The following SYT16 variants were observed in gnomAD, a reference collection of about 807,000 sequenced individuals.
SYT16 encodes synaptotagmin-16.
SYT16 carries 42 observed loss-of-function variants against 61.4 expected under a neutral mutation model. The observed-to-expected ratio is 0.68, with a 90% CI of 0.53 to 0.89. The LOEUF is 0.89. SYT16 is among the 40% of genes least tolerant of loss of function. The pLI is 0.00. For synonymous variants in SYT16, 314 were observed against 302.3 expected (o/e 1.04, Z -0.40); for missense variants, 804 against 807.3 (o/e 1.00, Z 0.05).
chr14:61,888,703 T>C lies in SYT16; in HGVS notation c.-325+75893T>C, dbSNP rs543965593. On this transcript the variant is annotated intron_variant, in intron 1 of 7. Transcript: ENST00000683842. ...TGTGACAGAGACACAAAGTGAGGCA[T>C]GTGCTGTTGGAAATATTGTGCTGAT... is the stretch of plus-strand genomic sequence containing the variant. Among the ~76,000 whole-genome samples, 81 of 151,400 alleles carry C rather than the reference T, an allele frequency of 5.4e-4. 2 individuals carry two copies. In the South Asian group the frequency reaches 0.016, roughly 31 times the overall value.
chr14:61,990,637 T>G (rs985794736), intron 2 of SYT16, among the ~76,000 whole-genome samples: 3 of 152,186 alleles, frequency 2.0e-5, no homozygotes, highest in Non-Finnish European at 2.9e-5. Context: ...GGCTTCTGCT[T>G]TAGCTTTCAC....
chr14:61,987,062 G>A (rs919714493), intron 2 of SYT16, among the ~76,000 whole-genome samples: 1 of 152,136 alleles, frequency 6.6e-6, no homozygotes, highest in African/African-American at 2.4e-5. Context: ...TAAGAAATAA[G>A]GGGTGTTATG....
At chr14:61,812,938 T>G (rs954851057) in intron 1 of SYT16, 128 bp downstream of exon 1, 1 of 152,298 alleles carries the variant, frequency 6.6e-6, no homozygotes, top group Non-Finnish European at 1.5e-5. Context: ...TCTCCGCTCC[T>G]CACCCTTGGC....
intron 3 of SYT16, among the ~76,000 whole-genome samples, chr14:62,058,303 C>G (rs2055657763): frequency 6.8e-6 from 1 of 146,128 alleles, no homozygotes; most frequent in Non-Finnish European, 1.5e-5. Context: ...AAGTGGGTGG[C>G]TAGGTTATAT....
At chr14:62,012,356 C>T (rs940427092) in intron 3 of SYT16, among the ~76,000 whole-genome samples, 3 of 152,132 alleles carry the variant, frequency 2.0e-5, no homozygotes, top group Admixed American at 6.5e-5. Context: ...GGAGGCCACC[C>T]TCAACTGCTG....
At chr14:62,040,422 T>G (rs1254921) in intron 3 of SYT16, among the ~76,000 whole-genome samples, 65,931 of 151,948 alleles carry the variant, frequency 0.43, 15,032 homozygotes, top group Middle Eastern at 0.54. Flanking sequence ...CAAATCTTTA[T>G]GTATTTATCC....
At chr14:61,960,137 T>G (rs965216362) in intron 1 of SYT16, among the ~76,000 whole-genome samples, 2 of 152,216 alleles carry the variant, frequency 1.3e-5, no homozygotes, top group African/African-American at 4.8e-5. Flanking sequence ...TTTTCATTCT[T>G]AAAGAACAGT....
Position 61,886,863 on chromosome 14 carries a change from G to A in SYT16, c.-325+74053G>A, listed in dbSNP as rs1339490340. Among the ~76,000 whole-genome samples the A allele has an allele frequency of 2.8e-5, 4 of 143,012 alleles. 1 individual carries two copies. In the South Asian group the frequency reaches 6.7e-4, roughly 24 times the overall value. The allele number at this position is 143,012 out of a possible 152,430, so 93.8% of individuals were successfully genotyped here. ...AATGCATTTCTTTAAGGGGAGTTAC[G>A]CTTATTTTTTTTTTGTCTTTTTTTT... On this transcript the variant is annotated intron_variant, in intron 1 of 7. Coordinates refer to ENST00000683842, the MANE Select transcript of SYT16 (RefSeq NM_001367656.1).
chr14:61,929,802 G>C (rs930505282), intron 1 of SYT16, among the ~76,000 whole-genome samples: 1 of 152,146 alleles, frequency 6.6e-6, no homozygotes, highest in Admixed American at 6.5e-5. Context: ...AACTTTTGAT[G>C]GCTTAAATAT....
intron 2 of SYT16, among the ~76,000 whole-genome samples, chr14:61,976,971 G>A (rs2051835222): frequency 6.6e-6 from 1 of 151,820 alleles, no homozygotes; most frequent in Non-Finnish European, 1.5e-5. Flanking sequence ...TTTCTCTCAA[G>A]TTCAAAGTCC....
chr14:61,886,723 C>T (rs377493766), intron 1 of SYT16, among the ~76,000 whole-genome samples: 173 of 152,324 alleles, frequency 1.1e-3, no homozygotes, highest in African/African-American at 3.2e-3. Flanking sequence ...TCAACTTCTT[C>T]CAAACTTCTG....
chr14:61,895,737 A>G (rs2048301328), intron 1 of SYT16, among the ~76,000 whole-genome samples: 2 of 152,182 alleles, frequency 1.3e-5, no homozygotes, highest in African/African-American at 4.8e-5. Flanking sequence ...TTACTCTTGC[A>G]TTACTACCAC....
intron 3 of SYT16, among the ~76,000 whole-genome samples, chr14:61,997,104 A>G (rs909461879): frequency 2.0e-5 from 3 of 152,096 alleles, no homozygotes; most frequent in Non-Finnish European, 2.9e-5. Flanking sequence ...GCCTATAAAG[A>G]TTTATGCTGT....
At chr14:61,995,111 A>C (rs1595107271) in intron 2 of SYT16, among the ~76,000 whole-genome samples, 1 of 152,172 alleles carries the variant, frequency 6.6e-6, no homozygotes, top group African/African-American at 2.4e-5. Flanking sequence ...TACATGTAAA[A>C]GTATAAATAT....
chr14:62,084,802 C>T (rs982944772), intron 7 of SYT16, among the ~76,000 whole-genome samples: 2 of 152,182 alleles, frequency 1.3e-5, no homozygotes, highest in Non-Finnish European at 2.9e-5. Flanking sequence ...TGATCCTGTG[C>T]AATTTATCCC....
intron 4 of SYT16, among the ~76,000 whole-genome samples, chr14:62,074,934 C>A (rs899628845): frequency 6.6e-6 from 1 of 152,152 alleles, no homozygotes; most frequent in African/African-American, 2.4e-5. Context: ...TTCTGATACG[C>A]CACATAATGA....
chr14:61,886,767 C>T (rs899506136), intron 1 of SYT16, among the ~76,000 whole-genome samples: 2 of 152,034 alleles, frequency 1.3e-5, no homozygotes, highest in African/African-American at 4.8e-5. Context: ...TCCCATGAAT[C>T]ACAAATGTTC....
intron 1 of SYT16, among the ~76,000 whole-genome samples, chr14:61,945,543 T>C (rs1018440669): frequency 1.4e-4 from 22 of 152,164 alleles, no homozygotes; most frequent in African/African-American, 5.1e-4. Flanking sequence ...CACCATGGAA[T>C]ACTATGCAGT....
chr14:61,968,551 G>C (rs2051413267), intron 1 of SYT16, among the ~76,000 whole-genome samples: 1 of 152,142 alleles, frequency 6.6e-6, no homozygotes, highest in South Asian at 2.1e-4. Flanking sequence ...ACTGCTCCTA[G>C]ATATTTTAGT....
Sources: gnomAD v4.1 joint callset for allele counts (sites outside exome capture counted in the v4.1 genomes callset) on GRCh38, gnomAD v4.1.1 for gene constraint, MANE v1.5 for transcripts, NCBI Gene and HGNC (gene_info 2026-07-23, HGNC 2026-07-21) for gene names.